Variants in PTPRD observed in about 807,000 individuals in gnomAD.
PTPRD encodes protein tyrosine phosphatase receptor type D.
In PTPRD, 34 loss-of-function variants were observed where a neutral mutation model predicts 214.5. The ratio of observed to expected loss-of-function variants is 0.16; its 90% CI spans 0.12 to 0.21. The LOEUF (loss-of-function observed/expected upper bound fraction) is 0.21, where lower values mean the gene tolerates loss of function less well. Among genes scored for constraint, PTPRD ranks in the 10% least tolerant of loss-of-function variants. PTPRD has a pLI of 1.00. For missense variants in PTPRD, 2,545 were observed against 2,398.7 expected (o/e 1.06, Z -1.27); for synonymous variants, 1,128 against 845.7 (o/e 1.33, Z -5.79).
At chr9:10,562,441 A>G (rs980515835) in intron 2 of PTPRD, among the ~76,000 whole-genome samples, 2 of 152,070 alleles carry the variant, frequency 1.3e-5, no homozygotes, top group South Asian at 4.1e-4. Flanking sequence ...TGTTAAGGGA[A>G]GAGCAGCAAT....
chr9:9,693,110 T>C (rs2790037), intron 7 of PTPRD, among the ~76,000 whole-genome samples: 90,666 of 151,444 alleles, frequency 0.6, 27,404 homozygotes, highest in East Asian at 0.66. Context: ...ATGCCCTTTA[T>C]TTCTTTCTCT....
intron 12 of PTPRD, among the ~76,000 whole-genome samples, chr9:8,637,867 T>C (rs1313481336): frequency 1.3e-5 from 2 of 152,188 alleles, no homozygotes; most frequent in Admixed American, 6.5e-5. Context: ...ATGCTTATGA[T>C]GCAATAATAA....
chr9:8,799,352 G>A (rs1404293590), intron 11 of PTPRD, among the ~76,000 whole-genome samples: 1 of 152,198 alleles, frequency 6.6e-6, no homozygotes, highest in African/African-American at 2.4e-5. Flanking sequence ...AGGCAGCTTA[G>A]AATTCATTAA....
intron 5 of PTPRD, among the ~76,000 whole-genome samples, chr9:9,788,279 C>T (rs918152257): frequency 2.6e-5 from 4 of 151,506 alleles, no homozygotes; most frequent in African/African-American, 9.7e-5. Context: ...TGGCCGGGCG[C>T]GGTGACTCAC....
intron 5 of PTPRD, among the ~76,000 whole-genome samples, chr9:9,896,316 G>C (rs954586826): frequency 4.6e-5 from 7 of 152,074 alleles, no homozygotes; most frequent in African/African-American, 1.7e-4. Flanking sequence ...CATGGACAAA[G>C]ATTAAGATTC....
At chr9:9,304,557 T>C (rs1956502155) in intron 9 of PTPRD, among the ~76,000 whole-genome samples, 1 of 152,006 alleles carries the variant, frequency 6.6e-6, no homozygotes. Context: ...GGGCAGGTCT[T>C]ATTGGTGGGC....
chr9:10,429,778 A>G (rs571547600), intron 2 of PTPRD, among the ~76,000 whole-genome samples: 1 of 151,992 alleles, frequency 6.6e-6, no homozygotes, highest in Admixed American at 6.6e-5. Flanking sequence ...TGAATTAGTT[A>G]ATGGATAAAA....
chr9:8,323,488 C>T (rs10758952), intron 44 of PTPRD, among the ~76,000 whole-genome samples: 39,031 of 152,032 alleles, frequency 0.26, 7,111 homozygotes, highest in African/African-American at 0.49. Context: ...TTGTGATTCA[C>T]GGGAGAAGAT....
chr9:9,827,879 T>A (rs1161265058), intron 5 of PTPRD, among the ~76,000 whole-genome samples: 2 of 152,122 alleles, frequency 1.3e-5, no homozygotes. Flanking sequence ...AAGACAATTA[T>A]GCAGCCAAAA....
At chr9:9,358,989 G>A (rs1340177938) in intron 9 of PTPRD, among the ~76,000 whole-genome samples, 2 of 151,406 alleles carry the variant, frequency 1.3e-5, no homozygotes, top group East Asian at 3.9e-4. Context: ...GTCTCCTTCA[G>A]ATTTTGCTGC....
At chr9:10,054,712 G>C (rs900109426) in intron 3 of PTPRD, among the ~76,000 whole-genome samples, 2 of 152,050 alleles carry the variant, frequency 1.3e-5, no homozygotes, top group African/African-American at 4.8e-5. Context: ...TAATCACACT[G>C]ACCAGGCTTT....
At chr9:8,497,995 C>G (rs1232157602) in intron 25 of PTPRD, among the ~76,000 whole-genome samples, 2 of 152,178 alleles carry the variant, frequency 1.3e-5, no homozygotes, top group African/African-American at 2.4e-5. Flanking sequence ...TAATTTTATA[C>G]TACGATAACT....
chr9:10,178,825 T>C (rs941957232), intron 3 of PTPRD, among the ~76,000 whole-genome samples: 8 of 151,932 alleles, frequency 5.3e-5, no homozygotes, highest in African/African-American at 1.7e-4. Context: ...CAACCAAAGA[T>C]GTTTTCAGAC....
At position 8,439,935 on chromosome 9, in the gene PTPRD, A is replaced by ATTTTTTTTTTTTTTTTTTTTTTT. The variant is rs1166530719; in HGVS notation, c.3989-3269_3989-3247dup. ...CATTTAAATTACTTGATGTGCTTTA[A>ATTTTTTTTTTTTTTTTTTTTTTT]TTTTTTTTTTTTTTTTTTTTTTTTT... On this transcript the variant is annotated intron_variant, in intron 34 of 45. Coordinates refer to ENST00000381196, the MANE Select transcript of PTPRD (RefSeq NM_002839.4). Among the ~76,000 whole-genome samples the ATTTTTTTTTTTTTTTTTTTTTTT allele has an allele frequency of 3.7e-4, 27 of 73,320 alleles. 4 individuals are homozygous for ATTTTTTTTTTTTTTTTTTTTTTT. Among genetic ancestry groups the ATTTTTTTTTTTTTTTTTTTTTTT allele is most frequent in the South Asian group, 6.3e-4 (1 of 1,584 alleles). The allele number at this position is 73,320 out of a possible 152,430, so 48.1% of individuals were successfully genotyped here.
intron 3 of PTPRD, among the ~76,000 whole-genome samples, chr9:10,227,796 A>G (rs138274374): frequency 6.6e-6 from 1 of 152,118 alleles, no homozygotes; most frequent in Non-Finnish European, 1.5e-5. Context: ...CACTGAATGA[A>G]TGAGAGAGTG....
chr9:8,894,788 T>C (rs1284332175), intron 11 of PTPRD, among the ~76,000 whole-genome samples: 1 of 152,020 alleles, frequency 6.6e-6, no homozygotes, highest in Non-Finnish European at 1.5e-5. Flanking sequence ...TTATAGTTGT[T>C]TTTATGATAT....
chr9:9,466,037 G>C (rs1230421911), intron 8 of PTPRD, among the ~76,000 whole-genome samples: 1 of 152,052 alleles, frequency 6.6e-6, no homozygotes, highest in Non-Finnish European at 1.5e-5. Flanking sequence ...AGCCAGGTGT[G>C]ATGGTTCACA....
intron 11 of PTPRD, among the ~76,000 whole-genome samples, chr9:8,769,071 G>C (rs1010578777): frequency 6.6e-6 from 1 of 152,142 alleles, no homozygotes; most frequent in Non-Finnish European, 1.5e-5. Flanking sequence ...GCCAACTTTT[G>C]TCAATGATTT....
At chr9:10,526,330 T>C (rs2054271847) in intron 2 of PTPRD, among the ~76,000 whole-genome samples, 1 of 152,124 alleles carries the variant, frequency 6.6e-6, no homozygotes, top group Admixed American at 6.6e-5. Flanking sequence ...ATTGTGAGTA[T>C]AATATTGCTA....
Sources: allele counts gnomAD v4.1 joint callset (sites outside exome capture counted in the v4.1 genomes callset), GRCh38; gene constraint gnomAD v4.1.1; transcripts MANE v1.5; gene names NCBI Gene and HGNC (gene_info 2026-07-23, HGNC 2026-07-21).